Variants in DNAH10 observed in about 807,000 individuals in gnomAD.
DNAH10 encodes the protein axonemal beta dynein heavy chain 10.
DNAH10 carries 348 observed loss-of-function variants against 506.6 expected under a neutral mutation model. That is an observed-to-expected ratio of 0.69 (90% CI 0.63 to 0.75). The LOEUF (loss-of-function observed/expected upper bound fraction) is 0.75. Among genes scored for constraint, DNAH10 ranks in the 30% least tolerant of loss-of-function variants. DNAH10 has a pLI of 0.00. For synonymous variants in DNAH10, 2,059 were observed against 2,198.6 expected, an observed-to-expected ratio of 0.94 and a Z score of 1.78; for missense variants, 5,179 against 5,787.1, an observed-to-expected ratio of 0.89 and a Z score of 3.41.
intron 30 of DNAH10, 75 bp downstream of exon 30, chr12:123,841,620 G>A: frequency 7.0e-7 from 1 of 1,419,358 alleles, no homozygotes; most frequent in Middle Eastern, 2.2e-4. Flanking sequence ...AAGGCTTGGA[G>A]TAGATTGGCT....
chr12:123,769,469 G>A (rs541646228), intron 2 of DNAH10, among the ~76,000 whole-genome samples: 4 of 152,084 alleles, frequency 2.6e-5, no homozygotes, highest in Admixed American at 6.5e-5. Flanking sequence ...GAGCCACCAC[G>A]CCCGGCCTAA....
At chr12:123,773,070 T>C in intron 4 of DNAH10, 128 bp downstream of exon 4, 1 of 653,094 alleles carries the variant, frequency 1.5e-6, no homozygotes, top group Non-Finnish European at 2.6e-6. Flanking sequence ...TTCTTTTCCA[T>C]ACTGTACTGG....
chr12:123,922,330 C>T (rs931077941), intron 65 of DNAH10, among the ~76,000 whole-genome samples: 3 of 152,050 alleles, frequency 2.0e-5, no homozygotes, highest in East Asian at 1.9e-4. Context: ...GAGCCGAGAT[C>T]GCGCCACTGC....
intron 19 of DNAH10, among the ~76,000 whole-genome samples, chr12:123,812,921 A>C (rs1958996320): frequency 6.6e-6 from 1 of 152,166 alleles, no homozygotes; most frequent in African/African-American, 2.4e-5. Flanking sequence ...AATTTGCATA[A>C]TACCATGTCC....
intron 57 of DNAH10, among the ~76,000 whole-genome samples, chr12:123,906,431 G>T (rs192711990): frequency 6.6e-6 from 1 of 151,632 alleles, no homozygotes; most frequent in East Asian, 2.0e-4. Context: ...TAGTAGAGAT[G>T]GGCTTTCACC....
chr12:123,882,825 G>C (rs891094314), intron 51 of DNAH10, among the ~76,000 whole-genome samples: 3 of 138,318 alleles, frequency 2.2e-5, no homozygotes, highest in Non-Finnish European at 3.2e-5. Context: ...AGAACATTTT[G>C]TGGTTTCAAA....
chr12:123,785,387 C>A lies in DNAH10; in HGVS notation c.1231-359C>A, dbSNP rs967646814. ...GTGAAATGTCTGTTTTAATCTTTTG[C>A]CCGTTATTTATTTGAGTTATTATTA... On this transcript the variant is annotated intron_variant, in intron 8 of 78. Coordinates refer to ENST00000673944, the MANE Select transcript of DNAH10 (RefSeq NM_001372106.1). The surrounding 1 kb of genome is among the most constrained non-coding windows in gnomAD (Gnocchi z 4.1). Among the ~76,000 whole-genome samples, 1 of 152,020 alleles carries A rather than the reference C, an allele frequency of 6.6e-6. No homozygotes were observed. The highest frequency in any genetic ancestry group is 2.1e-4 in the South Asian group (1 of 4,814).
intron 5 of DNAH10, among the ~76,000 whole-genome samples, chr12:123,776,782 C>T (rs1957457268): frequency 6.6e-6 from 1 of 152,140 alleles, no homozygotes. Context: ...GGGCATCCGT[C>T]TAGCAAATAT....
At chr12:123,830,030 T>A (rs879139731) in intron 25 of DNAH10, among the ~76,000 whole-genome samples, 1 of 152,198 alleles carries the variant, frequency 6.6e-6, no homozygotes, top group Admixed American at 6.5e-5. Context: ...TATGTCATTA[T>A]TTAATTTATA....
At chr12:123,824,917 G>A (rs1235075887) in intron 24 of DNAH10, among the ~76,000 whole-genome samples, 1 of 152,148 alleles carries the variant, frequency 6.6e-6, no homozygotes, top group Non-Finnish European at 1.5e-5. Context: ...GGGTGGACGT[G>A]CATTTTTGGG....
rs1950922090 is a variant in DNAH10 at position 123,845,693 on chromosome 12, G to A, written c.5454G>A (p.Ala1818=). ...TWEVEDVFHK[A]QKGEKQAMKN... is the part of the protein sequence containing the mutation. ...AGGTGGAAGACGTCTTCCACAAAGCGCAAAAAGGGGAGAAGCAGGCCATGA... is the reference window on the plus strand; with the variant it reads ...AGGTGGAAGACGTCTTCCACAAAGCACAAAAAGGGGAGAAGCAGGCCATGA... Residue 1818 remains alanine, a synonymous_variant, in exon 31 of 79, where the codon GCG becomes GCA. Transcript: ENST00000673944. The A allele has an allele frequency of 1.9e-6, 3 of 1,613,734 alleles. No homozygotes were observed. Among genetic ancestry groups the A allele is most frequent in the Non-Finnish European group, 2.5e-6 (3 of 1,179,848 alleles).
In DNAH10 at chr12:123,926,548, C is replaced by A; in HGVS notation, c.11922-89C>A. On this transcript the variant is annotated intron_variant, in intron 68 of 78. Coordinates refer to ENST00000673944, the MANE Select transcript of DNAH10 (RefSeq NM_001372106.1). This position sits in a 1 kb window ranked among gnomAD's most constrained non-coding sequence, Gnocchi z 4.1. ...AGGAGTGGTCAGAAGGTTCTGGACA[C>A]CGGAGGAGGCAGCGCTGATCAGACA... 7.1e-7 allele frequency: 1 copy of A among 1,403,752 alleles called. No individual in the cohort carries two copies. Among genetic ancestry groups the A allele is most frequent in the Non-Finnish European group, 9.6e-7 (1 of 1,036,550 alleles). The allele number at this position is 1,403,752 out of a possible 1,614,324, so 87.0% of individuals were successfully genotyped here. A position where few individuals can be genotyped will look rare whatever the true frequency, so the allele number is the denominator to read the frequency against.
chr12:123,904,164 T>C (rs1326918242), intron 57 of DNAH10, among the ~76,000 whole-genome samples: 1 of 151,564 alleles, frequency 6.6e-6, no homozygotes, highest in Admixed American at 6.5e-5. Context: ...GGTTCATTCT[T>C]GGGAGGTCAC....
At chr12:123,766,362 TTC>T (rs1957050347) in intron 1 of DNAH10, among the ~76,000 whole-genome samples, 1 of 152,266 alleles carries the variant, frequency 6.6e-6, no homozygotes, top group Middle Eastern at 3.4e-3. Context: ...CAGTCTATAT[TTC>T]TCTCTATAAT....
rs201573294 is a variant in DNAH10, at chr12:123,845,745, C to A, written c.5506C>A (p.Gln1836Lys). The change falls in exon 31 of 79, where the codon CAG becomes AAG. Residue 1836 changes from glutamine to lysine, a missense_variant. Coordinates refer to ENST00000673944, the MANE Select transcript of DNAH10 (RefSeq NM_001372106.1). ...MKNYGRKMHRQIDELVTRITM... is the reference protein window; with the variant it reads ...MKNYGRKMHRKIDELVTRITM... ...GAACTATGGCAGGAAAATGCACCGG[C>A]AGATCGATGAGTTGGTAACGCGCAT... 83 of 1,613,912 alleles carry A rather than the reference C, an allele frequency of 5.1e-5. No individual in the cohort carries two copies. In the Admixed American group the frequency reaches 1.1e-3, roughly 21 times the overall value.
At chr12:123,908,883 G>A (rs1953933295) in intron 57 of DNAH10, among the ~76,000 whole-genome samples, 1 of 152,148 alleles carries the variant, frequency 6.6e-6, no homozygotes, top group African/African-American at 2.4e-5. Context: ...TGATGATGAT[G>A]ATAATGACAA....
chr12:123,802,164 C>T (rs1237696542), intron 16 of DNAH10, among the ~76,000 whole-genome samples: 4 of 152,152 alleles, frequency 2.6e-5, no homozygotes, highest in African/African-American at 9.7e-5. Flanking sequence ...AGGTTGTTTC[C>T]GGTTTTGGCT....
chr12:123,778,588 T>G (rs1248360099), intron 5 of DNAH10, among the ~76,000 whole-genome samples: 1 of 150,976 alleles, frequency 6.6e-6, no homozygotes, highest in Admixed American at 6.6e-5. Context: ...CCCAGCTACT[T>G]GGGAGGCTGA....
At position 123,881,727 on chromosome 12, in the gene DNAH10, G is replaced by C. The variant is rs1026122350; in HGVS notation, c.8737G>C (p.Asp2913His). The C allele has an allele frequency of 1.9e-6, 3 of 1,548,708 alleles. No individual in the cohort carries two copies. The highest frequency in any genetic ancestry group is 2.4e-5 in the South Asian group (2 of 83,474). ...CCGGGTGCACCGTATCATCCGCATG[G>C]ACCGCGGCCACGCCCTGCTGGTCGG... is the stretch of plus-strand genomic sequence containing the variant. Reference protein sequence around the residue: ...LTRVHRIIRMDRGHALLVGVG... With the variant: ...LTRVHRIIRMHRGHALLVGVG... The change falls in exon 51 of 79, where the codon GAC becomes CAC. Residue 2913 changes from aspartate to histidine, a missense_variant. Physicochemically the swap from Asp to His is moderately conservative, Grantham distance 81 (BLOSUM62 -1). Around this residue, in one of 3 missense-constraint regions of DNAH10, gnomAD observed 4,844 missense variants for 5,430.5 expected, o/e 0.89. Transcript: ENST00000673944.
Sources: allele counts gnomAD v4.1 joint callset (sites outside exome capture counted in the v4.1 genomes callset), GRCh38; gene constraint gnomAD v4.1.1; regional missense constraint gnomAD v4.1.1; non-coding constraint Gnocchi (gnomAD v3.1); transcripts MANE v1.5; gene names NCBI Gene and HGNC (gene_info 2026-07-23, HGNC 2026-07-21).